Variants in NT5DC1 observed in about 807,000 individuals in gnomAD.
NT5DC1 encodes 5'-nucleotidase domain containing 1.
NT5DC1 carries 42 observed loss-of-function variants against 59.4 expected under a neutral mutation model. That is an observed-to-expected ratio of 0.71 (90% CI 0.55 to 0.92). NT5DC1 has a LOEUF of 0.92. Among genes scored for constraint, NT5DC1 ranks in the 40% least tolerant of loss-of-function variants. NT5DC1 has a pLI of 0.00. For missense variants in NT5DC1, 501 were observed against 537.1 expected (o/e 0.93, Z 0.66); for synonymous variants, 172 against 188.1 (o/e 0.91, Z 0.70).
chr6:116,111,330 C>T (rs1778871874), intron 4 of NT5DC1, among the ~76,000 whole-genome samples: 3 of 152,302 alleles, frequency 2.0e-5, no homozygotes, highest in South Asian at 4.1e-4. Flanking sequence ...ACCTACCACT[C>T]CTATTTTCTA....
intron 6 of NT5DC1, among the ~76,000 whole-genome samples, chr6:116,170,245 TC>T (rs34849235): frequency 0.23 from 34,193 of 151,932 alleles, 4,142 homozygotes; most frequent in Middle Eastern, 0.34. Context: ...TTATCTTGTG[TC>T]CCCACCAGTG....
chr6:116,212,346 T>A (rs1781597996), intron 6 of NT5DC1, among the ~76,000 whole-genome samples: 1 of 152,122 alleles, frequency 6.6e-6, no homozygotes, highest in Non-Finnish European at 1.5e-5. Flanking sequence ...GCTTAACTAC[T>A]CTGTCTATGC....
At chr6:116,163,599 T>C (rs371740357) in intron 6 of NT5DC1, among the ~76,000 whole-genome samples, 7 of 152,312 alleles carry the variant, frequency 4.6e-5, no homozygotes, top group African/African-American at 1.7e-4. Flanking sequence ...CCTTGTGTGA[T>C]ATTTTAGTCT....
At chr6:116,104,907 G>C (rs183265482) in intron 1 of NT5DC1, among the ~76,000 whole-genome samples, 5 of 152,154 alleles carry the variant, frequency 3.3e-5, no homozygotes, top group Admixed American at 1.3e-4. Flanking sequence ...AGTGTTCTCT[G>C]TGCTTCAGAG....
rs552057848 is a variant in NT5DC1, at chr6:116,103,746, C to T, written c.94-2498C>T. ...CACAGAACTGAGTGTGTCCCCCTCACATGAGGCCTCAGGAAAGGCATTCTA... is the reference window on the plus strand; with the variant it reads ...CACAGAACTGAGTGTGTCCCCCTCATATGAGGCCTCAGGAAAGGCATTCTA... On this transcript the variant is annotated intron_variant, in intron 1 of 11. Transcript: ENST00000319550. Among the ~76,000 whole-genome samples, 5 of 152,200 alleles carry T rather than the reference C, an allele frequency of 3.3e-5. No homozygotes were observed. In the South Asian group the frequency reaches 1.0e-3, roughly 32 times the overall value.
chr6:116,133,004 G>C (rs1248294959), intron 6 of NT5DC1, among the ~76,000 whole-genome samples: 1 of 152,108 alleles, frequency 6.6e-6, no homozygotes, highest in Non-Finnish European at 1.5e-5. Flanking sequence ...ATAAAAACAG[G>C]TGTTTATGAA....
intron 6 of NT5DC1, among the ~76,000 whole-genome samples, chr6:116,219,252 A>C (rs543286196): frequency 2.0e-5 from 3 of 152,040 alleles, no homozygotes; most frequent in Non-Finnish European, 4.4e-5. Flanking sequence ...GGTATATCAG[A>C]CTCGTGCTTT....
chr6:116,237,712 T>C (rs1160825241), intron 9 of NT5DC1: 1 of 314,666 alleles, frequency 3.2e-6, no homozygotes, highest in African/African-American at 2.2e-5. Flanking sequence ...AGATTCAACA[T>C]GCCCAGCCCC....
At chr6:116,105,962 A>G (rs1778758992) in intron 1 of NT5DC1, among the ~76,000 whole-genome samples, 1 of 152,228 alleles carries the variant, frequency 6.6e-6, no homozygotes, top group African/African-American at 2.4e-5. Flanking sequence ...GTCTTAAATT[A>G]TGATCTCCAA....
chr6:116,200,001 G>GGC (rs1554199747), intron 6 of NT5DC1, among the ~76,000 whole-genome samples: 2 of 149,858 alleles, frequency 1.3e-5, no homozygotes, highest in Admixed American at 6.6e-5. Flanking sequence ...ATGGAAAGTG[G>GGC]GGGGGGAAGA....
chr6:116,154,974 C>G (rs968590722), intron 6 of NT5DC1, among the ~76,000 whole-genome samples: 1 of 152,282 alleles, frequency 6.6e-6, no homozygotes, highest in African/African-American at 2.4e-5. Context: ...CCACATTGTT[C>G]TTTCTGTTTA....
chr6:116,222,106 G>A (rs1781819970), intron 7 of NT5DC1, among the ~76,000 whole-genome samples: 1 of 152,102 alleles, frequency 6.6e-6, no homozygotes, highest in Non-Finnish European at 1.5e-5. Flanking sequence ...TGTGGCTTTA[G>A]TTTCTTCTAT....
chr6:116,118,093 AT>A (rs1380387797), intron 6 of NT5DC1, 148 bp downstream of exon 6: 24 of 671,804 alleles, frequency 3.6e-5, no homozygotes, highest in Middle Eastern at 6.4e-4. Context: ...TTCTGACTAC[AT>A]TTTCAGAAGT....
intron 6 of NT5DC1, among the ~76,000 whole-genome samples, chr6:116,159,774 TC>T (rs1562144089): frequency 6.6e-6 from 1 of 152,188 alleles, no homozygotes; most frequent in Admixed American, 6.6e-5. Flanking sequence ...ACATGTGCTT[TC>T]CCCCAGCCCC....
At chr6:116,233,985 T>TTG (rs1554202213) in intron 8 of NT5DC1, among the ~76,000 whole-genome samples, 1 of 148,880 alleles carries the variant, frequency 6.7e-6, no homozygotes, top group Non-Finnish European at 1.5e-5. Flanking sequence ...CTGTTTTTTT[T>TTG]TTTTTTTTTT....
intron 6 of NT5DC1, among the ~76,000 whole-genome samples, chr6:116,187,831 TATTG>T (rs953858876): frequency 5.3e-5 from 8 of 152,072 alleles, no homozygotes; most frequent in Admixed American, 3.3e-4. Flanking sequence ...ATAGAAACAG[TATTG>T]ATTGATTGTA....
intron 6 of NT5DC1, among the ~76,000 whole-genome samples, chr6:116,212,193 T>C (rs1018824664): frequency 1.3e-5 from 2 of 152,076 alleles, no homozygotes; most frequent in Admixed American, 1.3e-4. Flanking sequence ...GAAACTTTAG[T>C]ATGTTCTTTT....
intron 4 of NT5DC1, among the ~76,000 whole-genome samples, chr6:116,114,249 T>C (rs762423579): frequency 1.3e-5 from 2 of 151,846 alleles, no homozygotes; most frequent in Admixed American, 6.5e-5. Flanking sequence ...CAGAAAACTT[T>C]GATTTTTTTT....
In NT5DC1 at chr6:116,167,795, T is replaced by C. The variant is rs557179976; in HGVS notation, c.529+49850T>C. On this transcript the variant is annotated intron_variant, in intron 6 of 11. Transcript: ENST00000319550. ...GCCCTCAAGTTGTTATGAATAGATATGATTGTTTAGCTCAAATGAAGTGTA... is the reference window on the plus strand; with the variant it reads ...GCCCTCAAGTTGTTATGAATAGATACGATTGTTTAGCTCAAATGAAGTGTA... Among the ~76,000 whole-genome samples, 9 of 152,334 alleles carry C rather than the reference T, an allele frequency of 5.9e-5. No homozygotes were observed. The South Asian group carries it at 1.9e-3, about 32-fold the overall frequency.
Sources: allele counts gnomAD v4.1 joint callset (sites outside exome capture counted in the v4.1 genomes callset), GRCh38; gene constraint gnomAD v4.1.1; transcripts MANE v1.5; gene names NCBI Gene and HGNC (gene_info 2026-07-23, HGNC 2026-07-21).